The following LYAR variants were observed in gnomAD, a reference collection of about 807,000 sequenced individuals.
The protein encoded by LYAR is Ly1 antibody reactive, also known as cell growth-regulating nucleolar protein.
A neutral mutation model predicts 45.2 loss-of-function variants in LYAR; 37 were observed. That is an observed-to-expected ratio of 0.82 (90% confidence interval 0.63 to 1.08). LYAR has a LOEUF of 1.08. LYAR is among the 50% of genes least tolerant of loss of function. The pLI is 0.00. For synonymous variants in LYAR, 176 were observed against 155.1 expected, an observed-to-expected ratio of 1.14 and a Z score of -1.00; for missense variants, 493 against 451.0, an observed-to-expected ratio of 1.09 and a Z score of -0.84.
Position 4,268,634 on chromosome 4 carries a change from T to C in LYAR, c.920-19A>G, listed in dbSNP as rs931051152. 5 of 1,477,566 alleles carry C rather than the reference T, an allele frequency of 3.4e-6. No individual in the cohort carries two copies. Among genetic ancestry groups the C allele is most frequent in the Admixed American group, 1.8e-5 (1 of 55,144 alleles). The allele number at this position is 1,477,566 out of a possible 1,614,324, so 91.5% of individuals were successfully genotyped here. On this transcript the variant is annotated intron_variant, in intron 8 of 9. Transcript: ENST00000343470. ...AATTTACCTACAATATAAATAATAA[T>C]ATTTAAGACATTTCGTTTTGTTGTA...
At chr4:4,270,253 T>TA (rs1312987742) in intron 8 of LYAR, among the ~76,000 whole-genome samples, 1 of 83,356 alleles carries the variant, frequency 1.2e-5, no homozygotes, top group East Asian at 3.3e-4. Flanking sequence ...CTGAACTACA[T>TA]AAAATGTTGA....
intron 8 of LYAR, among the ~76,000 whole-genome samples, chr4:4,270,668 A>T (rs1288393696): frequency 6.6e-6 from 1 of 152,030 alleles, no homozygotes; most frequent in African/African-American, 2.4e-5. Context: ...AAATATGCAC[A>T]GAAGAAGGTG....
At chr4:4,275,698 C>G (rs1348552520) in intron 6 of LYAR, among the ~76,000 whole-genome samples, 1 of 134,066 alleles carries the variant, frequency 7.5e-6, no homozygotes, top group African/African-American at 2.8e-5. Context: ...TACATTACCT[C>G]ATTTATGTAT....
chr4:4,285,658 C>T (rs1719581844), intron 2 of LYAR, among the ~76,000 whole-genome samples: 1 of 152,226 alleles, frequency 6.6e-6, no homozygotes, highest in African/African-American at 2.4e-5. Context: ...AAGCACTTTT[C>T]TAATAAGATA....
chr4:4,283,888 G>C (rs1719501232), intron 2 of LYAR, 93 bp from the exon 3 acceptor site: 1 of 583,190 alleles, frequency 1.7e-6, no homozygotes, highest in East Asian at 2.9e-5. Flanking sequence ...AATTTCACAT[G>C]AAAATAACAG....
At chr4:4,273,861 T>C (rs2980084) in intron 7 of LYAR, among the ~76,000 whole-genome samples, 192 bp from the exon 8 acceptor site, 3,488 of 151,848 alleles carry the variant, frequency 0.023, 149 homozygotes, top group African/African-American at 0.077. Context: ...ATGAAAGGAG[T>C]TGAGAAGTGA....
intron 3 of LYAR, among the ~76,000 whole-genome samples, chr4:4,282,806 G>A (rs1486757539): frequency 6.6e-6 from 1 of 152,192 alleles, no homozygotes; most frequent in African/African-American, 2.4e-5. Flanking sequence ...TGACACACCC[G>A]TGGGGCCAGG....
At chr4:4,286,068 C>T (rs946311752) in intron 2 of LYAR, among the ~76,000 whole-genome samples, 2 of 152,178 alleles carry the variant, frequency 1.3e-5, no homozygotes, top group South Asian at 2.1e-4. Flanking sequence ...TGTTTAAGGC[C>T]AAATGGGTGG....
Position 4,281,799 on chromosome 4 carries a change from T to G in LYAR, c.221A>C (p.Gln74Pro). The G allele has an allele frequency of 6.2e-7, 1 of 1,614,022 alleles. No individual in the cohort carries two copies. The highest frequency in any genetic ancestry group is 8.5e-7 in the Non-Finnish European group (1 of 1,179,832). ...EGKTHKGDIK[Q>P]QAWIQKISEL... The stretch of plus-strand genomic sequence containing the variant: ...AGACGTTACCTGAATCCACGCCTGC[T>G]GTTTGATGTCGCCTTTGTGGGTTTT... Residue 74 changes from glutamine to proline, a missense_variant, in exon 4 of 10, where the codon CAG becomes CCG. Transcript: ENST00000343470.
intron 4 of LYAR, among the ~76,000 whole-genome samples, chr4:4,280,039 A>G (rs1719336692): frequency 6.6e-6 from 1 of 152,240 alleles, no homozygotes; most frequent in South Asian, 2.1e-4. Flanking sequence ...CAAAAGTCCT[A>G]AAGAGTCCAC....
chr4:4,289,784 G>C (rs1485566210), intron 1 of LYAR: 1 of 152,276 alleles, frequency 6.6e-6, no homozygotes, highest in East Asian at 1.9e-4. Flanking sequence ...GTCGGGCGGT[G>C]ACCAATCGTC....
chr4:4,279,075 A>G (rs1719295487), intron 6 of LYAR, among the ~76,000 whole-genome samples: 1 of 152,188 alleles, frequency 6.6e-6, no homozygotes, highest in African/African-American at 2.4e-5. Context: ...CTGTAATTCC[A>G]GCACTTTGGG....
chr4:4,274,715 G>A lies in LYAR; in HGVS notation c.484C>T (p.His162Tyr), dbSNP rs748095414. 1.9e-6 allele frequency: 3 copies of A among 1,613,338 alleles called. No homozygotes were observed. The highest frequency in any genetic ancestry group is 2.7e-5 in the African/African-American group (2 of 74,786). ...QRPLHPVANPHAEISTKVPAS... is the reference protein window; with the variant it reads ...QRPLHPVANPYAEISTKVPAS... Reference sequence around the variant, plus strand: ...GGAACCTTGGTGGAGATTTCTGCATGTGGATTTGCCACTGGGTGGAGTGGC... The same window carrying A: ...GGAACCTTGGTGGAGATTTCTGCATATGGATTTGCCACTGGGTGGAGTGGC... Residue 162 changes from histidine to tyrosine, a missense_variant, in exon 7 of 10, where the codon CAT (histidine) becomes TAT (tyrosine). His to Tyr is a moderately conservative substitution (Grantham distance 83). Coordinates refer to ENST00000343470, the MANE Select transcript of LYAR (RefSeq NM_017816.3).
chr4:4,284,356 TGAAGAAGA>T (rs1442293706), intron 2 of LYAR, among the ~76,000 whole-genome samples: 34 of 152,316 alleles, frequency 2.2e-4, no homozygotes, highest in Non-Finnish European at 3.4e-4. Flanking sequence ...GTTTAGAAAG[TGAAGAAGA>T]GGCAATTCTA....
intron 3 of LYAR, 118 bp from the exon 4 acceptor site, chr4:4,282,015 C>A: frequency 1.6e-6 from 1 of 642,440 alleles, no homozygotes; most frequent in Non-Finnish European, 2.8e-6. Context: ...GTGTCTATCA[C>A]ACAAGCACCC....
intron 4 of LYAR, 59 bp downstream of exon 4, chr4:4,281,724 C>T (rs1312982371): frequency 5.5e-6 from 7 of 1,266,022 alleles, no homozygotes; most frequent in Non-Finnish European, 8.1e-6. Flanking sequence ...GTCTCTTGGG[C>T]TTCCAAAGAA....
intron 6 of LYAR, among the ~76,000 whole-genome samples, chr4:4,276,176 G>A (rs1019955701): frequency 1.3e-5 from 2 of 152,134 alleles, no homozygotes; most frequent in East Asian, 1.9e-4. Flanking sequence ...GTGGCCAGTG[G>A]CTGCTTCCAG....
intron 8 of LYAR, among the ~76,000 whole-genome samples, chr4:4,272,260 G>A (rs1300251893): frequency 2.0e-5 from 3 of 152,156 alleles, no homozygotes; most frequent in Non-Finnish European, 4.4e-5. Context: ...GGACGCCTGA[G>A]TCTCCATTAT....
chr4:4,284,993 A>G (rs1719550800), intron 2 of LYAR, among the ~76,000 whole-genome samples: 1 of 152,158 alleles, frequency 6.6e-6, no homozygotes, highest in Non-Finnish European at 1.5e-5. Flanking sequence ...ACTGCCAGTG[A>G]GGCCACACCC....
Sources: gnomAD v4.1 joint callset for allele counts (sites outside exome capture counted in the v4.1 genomes callset) on GRCh38, gnomAD v4.1.1 for gene constraint, MANE v1.5 for transcripts, NCBI Gene and HGNC (gene_info 2026-07-23, HGNC 2026-07-21) for gene names.